RORA: variants seen among roughly 807,000 people sequenced by gnomAD.
The protein encoded by RORA is RAR related orphan receptor A, also known as nuclear receptor ROR-alpha.
A neutral mutation model predicts 69.5 loss-of-function variants in RORA; 7 were observed. The ratio of observed to expected loss-of-function variants is 0.10; its 90% CI spans 0.06 to 0.19. RORA has a LOEUF of 0.19. RORA is among the 10% of genes least tolerant of loss of function. RORA has a pLI of 1.00. For synonymous variants in RORA, 261 were observed against 240.8 expected (o/e 1.08, Z -0.78); for missense variants, 457 against 663.0 (o/e 0.69, Z 3.41).
chr15:60,949,189 T>C (rs1382354866), intron 1 of RORA, among the ~76,000 whole-genome samples: 2 of 152,058 alleles, frequency 1.3e-5, no homozygotes, highest in African/African-American at 4.8e-5. Flanking sequence ...CATGGCCCCT[T>C]CCCCGTGAAG....
chr15:60,926,307 T>C (rs985774409), intron 1 of RORA, among the ~76,000 whole-genome samples: 4 of 152,196 alleles, frequency 2.6e-5, no homozygotes, highest in African/African-American at 9.7e-5. Flanking sequence ...AGGCACCCTA[T>C]CTGACCTGGC....
At chr15:60,949,285 T>A (rs2140332160) in intron 1 of RORA, among the ~76,000 whole-genome samples, 1 of 152,206 alleles carries the variant, frequency 6.6e-6, no homozygotes, top group East Asian at 1.9e-4. Flanking sequence ...GATGAAAACA[T>A]CAGAAGTTGC....
chr15:61,221,821 G>A (rs1006458983), intron 1 of RORA, among the ~76,000 whole-genome samples: 16 of 152,052 alleles, frequency 1.1e-4, no homozygotes, highest in African/African-American at 3.4e-4. Flanking sequence ...TGGTCTGTGC[G>A]TGGATGCAGA....
At chr15:61,053,342 C>G (rs910258008) in intron 1 of RORA, among the ~76,000 whole-genome samples, 5 of 151,938 alleles carry the variant, frequency 3.3e-5, no homozygotes, top group Admixed American at 3.3e-4. Flanking sequence ...TGGTAGCCTA[C>G]TGACTCACAC....
At chr15:60,770,613 C>T (rs1014808228) in intron 1 of RORA, among the ~76,000 whole-genome samples, 1 of 152,076 alleles carries the variant, frequency 6.6e-6, no homozygotes, top group African/African-American at 2.4e-5. Context: ...TGCTCCTTTA[C>T]GTTTGTTTGT....
At chr15:61,040,102 T>C (rs1371971602) in intron 1 of RORA, among the ~76,000 whole-genome samples, 2 of 109,162 alleles carry the variant, frequency 1.8e-5, no homozygotes, top group African/African-American at 3.6e-5. Flanking sequence ...ATGGCTATGA[T>C]CACAAGCTTT....
At chr15:60,597,598 AT>A (rs2068717969) in intron 2 of RORA, among the ~76,000 whole-genome samples, 1 of 16,632 alleles carries the variant, frequency 6.0e-5, no homozygotes, top group African/African-American at 1.7e-4. Context: ...ATATATACAC[AT>A]ATATATATAT....
intron 1 of RORA, among the ~76,000 whole-genome samples, chr15:60,818,647 A>G (rs1331683961): frequency 6.6e-6 from 1 of 152,214 alleles, no homozygotes; most frequent in Non-Finnish European, 1.5e-5. Context: ...ACTAAGAAGA[A>G]AAAGAAACTT....
intron 1 of RORA, among the ~76,000 whole-genome samples, chr15:60,835,070 C>T (rs535504615): frequency 6.6e-6 from 1 of 152,216 alleles, no homozygotes; most frequent in South Asian, 2.1e-4. Flanking sequence ...TTGTGAAGCT[C>T]AAGTGTCTAC....
intron 1 of RORA, among the ~76,000 whole-genome samples, chr15:60,873,917 C>T (rs1214907283): frequency 1.3e-5 from 2 of 152,150 alleles, no homozygotes; most frequent in Admixed American, 6.5e-5. Context: ...ATACAGAATG[C>T]AAAGCAGTCT....
intron 1 of RORA, among the ~76,000 whole-genome samples, chr15:60,975,357 G>C (rs1482516853): frequency 6.6e-6 from 1 of 152,188 alleles, no homozygotes; most frequent in Non-Finnish European, 1.5e-5. Flanking sequence ...ATTCTAGGAA[G>C]GTGTCCCGGT....
At chr15:61,047,841 C>T (rs1220185884) in intron 1 of RORA, among the ~76,000 whole-genome samples, 1 of 152,096 alleles carries the variant, frequency 6.6e-6, no homozygotes, top group Non-Finnish European at 1.5e-5. Context: ...CTTGGTTTTC[C>T]CAGCTATTAA....
intron 1 of RORA, among the ~76,000 whole-genome samples, chr15:61,139,496 G>A (rs2079277610): frequency 6.6e-6 from 1 of 152,228 alleles, no homozygotes; most frequent in Non-Finnish European, 1.5e-5. Context: ...AAAGGAGGGC[G>A]AGTCTTAATA....
chr15:60,510,246 C>T (rs957274995), intron 5 of RORA, among the ~76,000 whole-genome samples: 6 of 152,176 alleles, frequency 3.9e-5, no homozygotes, highest in African/African-American at 1.4e-4. Flanking sequence ...TGTGAGGAAC[C>T]ACCAGGAGGA....
At chr15:60,857,585 C>G (rs980835209) in intron 1 of RORA, among the ~76,000 whole-genome samples, 1 of 151,988 alleles carries the variant, frequency 6.6e-6, no homozygotes, top group Non-Finnish European at 1.5e-5. Context: ...CAGCTGGCAT[C>G]AAGACTCAGC....
intron 1 of RORA, among the ~76,000 whole-genome samples, chr15:61,084,760 G>C (rs2078597335): frequency 6.6e-6 from 1 of 151,770 alleles, no homozygotes; most frequent in Non-Finnish European, 1.5e-5. Flanking sequence ...AAGTGTTTAG[G>C]AAACAGATCA....
At chr15:61,015,819 T>A (rs1895263391) in intron 1 of RORA, among the ~76,000 whole-genome samples, 2 of 152,142 alleles carry the variant, frequency 1.3e-5, no homozygotes, top group Non-Finnish European at 2.9e-5. Flanking sequence ...CTTATTGCAG[T>A]CTTAGGTTGC....
At chr15:60,788,930 C>A (rs2072378482) in intron 1 of RORA, among the ~76,000 whole-genome samples, 1 of 152,194 alleles carries the variant, frequency 6.6e-6, no homozygotes, top group Non-Finnish European at 1.5e-5. Context: ...GAACATTAAG[C>A]AACACAAAGC....
chr15:60,568,389 G>A (rs1216858817), intron 2 of RORA, among the ~76,000 whole-genome samples: 2 of 152,230 alleles, frequency 1.3e-5, no homozygotes, highest in African/African-American at 2.4e-5. Context: ...GCATGGCAGT[G>A]AAGGCTTTCT....
Sources: allele counts gnomAD v4.1 joint callset (sites outside exome capture counted in the v4.1 genomes callset), GRCh38; gene constraint gnomAD v4.1.1; transcripts MANE v1.5; gene names NCBI Gene and HGNC (gene_info 2026-07-23, HGNC 2026-07-21).